PNOC: variants seen among roughly 807,000 people sequenced by gnomAD.
PNOC encodes the protein nociceptin.
A neutral mutation model predicts 15.6 loss-of-function variants in PNOC; 10 were observed. That is an observed-to-expected ratio of 0.64 (90% CI 0.40 to 1.09). The LOEUF (loss-of-function observed/expected upper bound fraction) is 1.09. PNOC is among the 50% of genes least tolerant of loss of function. The pLI is 0.01. For synonymous variants in PNOC, 98 were observed against 88.5 expected (o/e 1.11, Z -0.60); for missense variants, 220 against 223.9 (o/e 0.98, Z 0.11).
rs1037694653 is a variant in PNOC, at chr8:28,330,092, G to A, written c.126+809G>A. On this transcript the variant is annotated intron_variant, in intron 2 of 3. Coordinates refer to ENST00000301908, the MANE Select transcript of PNOC (RefSeq NM_006228.5). ...CTCCCAAGTAGCTGGGATTACAGAC[G>A]CCCACCACCACGCCCCGCTATTTTT... 2.6e-5 allele frequency among the ~76,000 whole-genome samples: 4 copies of A among 151,656 alleles called. No homozygotes were observed. The South Asian group carries it at 8.4e-4, about 32-fold the overall frequency.
intron 1 of PNOC, among the ~76,000 whole-genome samples, chr8:28,320,088 CTTTCTTTTTTTTTTTTTT>C (rs1183872467): frequency 1.6e-3 from 44 of 27,150 alleles, no homozygotes; most frequent in African/African-American, 3.1e-3. Context: ...TTCTTTCTTT[CTTTCTTTTTTTTTTTTTT>C]TTTTTTTTTT....
rs757253997 is a variant in PNOC, at chr8:28,339,174, G to A, written c.261G>A (p.Pro87=). 8.7e-6 allele frequency: 14 copies of A among 1,613,574 alleles called. No homozygotes were observed. The highest frequency in any genetic ancestry group is 5.1e-6 in the Non-Finnish European group (6 of 1,179,622). The stretch of plus-strand genomic sequence containing the variant: ...ATGTGGCGGCTGCTCTCTACCAGCC[G>A]AGAGCTTCGGAGATGCAGCATCTGC... ...PEHVAAALYQ[P]RASEMQHLRR... Residue 87 remains proline (P), a synonymous_variant, in exon 3 of 4, where the codon CCG becomes CCA. Transcript: ENST00000301908.
chr8:28,338,068 TA>T (rs1464395415), intron 2 of PNOC, among the ~76,000 whole-genome samples: 1 of 152,148 alleles, frequency 6.6e-6, no homozygotes, highest in Non-Finnish European at 1.5e-5. Context: ...AGCTCCACGC[TA>T]TGATGAGGAG....
chr8:28,322,426 T>C (rs1392719019), intron 1 of PNOC, among the ~76,000 whole-genome samples: 1 of 151,962 alleles, frequency 6.6e-6, no homozygotes, highest in Non-Finnish European at 1.5e-5. Flanking sequence ...ATAAAAAAGG[T>C]TGTCATCAGA....
chr8:28,338,034 A>C (rs1406704532), intron 2 of PNOC, among the ~76,000 whole-genome samples: 1 of 152,182 alleles, frequency 6.6e-6, no homozygotes, highest in Admixed American at 6.5e-5. Flanking sequence ...TCTGCCCCAG[A>C]AGGTGACCTG....
chr8:28,338,411 G>C (rs1360908133), intron 2 of PNOC, among the ~76,000 whole-genome samples: 1 of 151,926 alleles, frequency 6.6e-6, no homozygotes, highest in Non-Finnish European at 1.5e-5. Context: ...CCCACACCTG[G>C]AACTGGATCA....
chr8:28,339,121 T>C lies in PNOC; in HGVS notation c.208T>C (p.Trp70Arg), dbSNP rs769712884. Residue 70 changes from tryptophan to arginine, a missense_variant, in exon 3 of 4, where the codon TGG (tryptophan) becomes CGG (arginine). By Grantham distance (101) the Trp-to-Arg change is moderately radical. Coordinates refer to ENST00000301908, the MANE Select transcript of PNOC (RefSeq NM_006228.5). ...PCTKVMARSS[W>R]QLSPAAPEHV... ...CACCAAGGTCATGGCCAGGAGCTCTTGGCAGCTCAGCCCTGCCGCCCCAGA... is the reference window on the plus strand; with the variant it reads ...CACCAAGGTCATGGCCAGGAGCTCTCGGCAGCTCAGCCCTGCCGCCCCAGA... 8.1e-6 allele frequency: 13 copies of C among 1,611,802 alleles called. No homozygotes were observed. The highest frequency in any genetic ancestry group is 1.3e-5 in the African/African-American group (1 of 74,870).
At chr8:28,338,964 G>A (rs1801461508) in intron 2 of PNOC, 76 bp from the exon 3 acceptor site, 2 of 1,340,802 alleles carry the variant, frequency 1.5e-6, no homozygotes, top group African/African-American at 1.5e-5. Context: ...GGTGCAGTGG[G>A]CCAGATCTCC....
intron 1 of PNOC, among the ~76,000 whole-genome samples, chr8:28,324,990 C>G (rs1222668819): frequency 1.3e-5 from 2 of 152,200 alleles, no homozygotes; most frequent in African/African-American, 4.8e-5. Flanking sequence ...CACTAATCAT[C>G]CTCTGAGATA....
At chr8:28,331,544 T>C (rs1337580298) in intron 2 of PNOC, among the ~76,000 whole-genome samples, 2 of 152,170 alleles carry the variant, frequency 1.3e-5, no homozygotes, top group Non-Finnish European at 2.9e-5. Flanking sequence ...AGAAAACTCC[T>C]AGAGGAATCC....
chr8:28,337,078 C>G lies in PNOC; in HGVS notation c.127-1962C>G, dbSNP rs182304878. Reference sequence around the variant, plus strand: ...CACAAGGAGTGAGAAGGGAACAGCCCAGGGCTGCAGTGGCAGCTCCAGTCT... The same window carrying G: ...CACAAGGAGTGAGAAGGGAACAGCCGAGGGCTGCAGTGGCAGCTCCAGTCT... On this transcript the variant is annotated intron_variant, in intron 2 of 3. Transcript: ENST00000301908. Among the ~76,000 whole-genome samples the G allele has an allele frequency of 4.6e-5, 7 of 152,262 alleles. No homozygotes were observed. In the East Asian group the frequency reaches 1.4e-3, roughly 29 times the overall value.
In PNOC at chr8:28,322,632, G is replaced by A. The variant is rs116013607; in HGVS notation, c.-24+5316G>A. 8.3e-4 allele frequency among the ~76,000 whole-genome samples: 127 copies of A among 152,300 alleles called. 1 individual carries two copies. Among genetic ancestry groups the A allele is most frequent in the African/African-American group, 2.9e-3 (122 of 41,572 alleles). ...GGGTGATGCTTATAAAGCAATTAGC[G>A]CAAAGCCTGGCTCATAGTGCTCTAA... On this transcript the variant is annotated intron_variant, in intron 1 of 3. Transcript: ENST00000301908.
intron 2 of PNOC, among the ~76,000 whole-genome samples, chr8:28,333,198 C>T (rs1399632177): frequency 6.6e-6 from 1 of 152,158 alleles, no homozygotes; most frequent in Non-Finnish European, 1.5e-5. Flanking sequence ...ACTTGACCAC[C>T]TTTGTGAGCT....
intron 1 of PNOC, among the ~76,000 whole-genome samples, chr8:28,320,621 T>C (rs1801134414): frequency 1.3e-5 from 2 of 151,962 alleles, no homozygotes; most frequent in African/African-American, 2.4e-5. Context: ...GAGGCCGAGG[T>C]GGGCAGATCA....
intron 3 of PNOC, chr8:28,339,854 T>C (rs1801485677): frequency 6.2e-6 from 1 of 161,714 alleles, no homozygotes; most frequent in Admixed American, 6.3e-5. Context: ...AGATTGTCTC[T>C]CTAAACACCA....
Position 28,330,386 on chromosome 8 carries a change from A to ATTTTTTTTT in PNOC, c.126+1107_126+1108insTTTTTTTTT, listed in dbSNP as rs1365236960. Among the ~76,000 whole-genome samples, 98 of 59,824 alleles carry ATTTTTTTTT rather than the reference A, an allele frequency of 1.6e-3. 1 individual carries two copies. Among genetic ancestry groups the ATTTTTTTTT allele is most frequent in the African/African-American group, 2.3e-3 (53 of 22,798 alleles). 39.2% of individuals were successfully genotyped at this position (59,824 alleles called of 152,430 possible). On this transcript the variant is annotated intron_variant, in intron 2 of 3. Transcript: ENST00000301908. Reference sequence around the variant, plus strand: ...CCTTTATTTTATTTTATTTTATTTTATTTTATTTTATTTTTTTTTTTTTTT... The same window carrying ATTTTTTTTT: ...CCTTTATTTTATTTTATTTTATTTTATTTTTTTTTTTTTATTTTATTTTTTTTTTTTTTT...
At chr8:28,324,744 T>C (rs1293464951) in intron 1 of PNOC, among the ~76,000 whole-genome samples, 1 of 151,842 alleles carries the variant, frequency 6.6e-6, no homozygotes, top group Non-Finnish European at 1.5e-5. Context: ...ACTCCTGGAG[T>C]CCCAGCTACT....
chr8:28,329,892 G>A (rs2614105), intron 2 of PNOC, among the ~76,000 whole-genome samples: 49,779 of 152,042 alleles, frequency 0.33, 10,000 homozygotes, highest in Non-Finnish European at 0.46. Flanking sequence ...ATCCAGAGAT[G>A]ATTTAAAGTG....
At chr8:28,317,609 G>T (rs1160662264) in intron 1 of PNOC, among the ~76,000 whole-genome samples, 2 of 152,200 alleles carry the variant, frequency 1.3e-5, no homozygotes, top group African/African-American at 2.4e-5. Context: ...TGGCCCCTAC[G>T]TGGTTGTTGC....
Sources: gnomAD v4.1 joint callset for allele counts (sites outside exome capture counted in the v4.1 genomes callset) on GRCh38, gnomAD v4.1.1 for gene constraint, MANE v1.5 for transcripts, NCBI Gene and HGNC (gene_info 2026-07-23, HGNC 2026-07-21) for gene names.